RIMS2: variants seen among roughly 807,000 people sequenced by gnomAD.
RIMS2 encodes the protein regulating synaptic membrane exocytosis protein 2.
RIMS2 carries 59 observed loss-of-function variants against 174.4 expected under a neutral mutation model. The observed-to-expected ratio is 0.34, with a 90% CI of 0.27 to 0.42. The LOEUF (loss-of-function observed/expected upper bound fraction) is 0.42. RIMS2 is among the 10% of genes least tolerant of loss of function. The pLI, the probability that RIMS2 is intolerant of heterozygous loss-of-function variation, is 1.00. For synonymous variants in RIMS2, 606 were observed against 572.5 expected, an observed-to-expected ratio of 1.06 and a Z score of -0.84; for missense variants, 1,620 against 1,666.3, an observed-to-expected ratio of 0.97 and a Z score of 0.48.
In RIMS2 at chr8:104,248,891, T is replaced by TTCTCTC. The variant is rs368851079; in HGVS notation, c.3589+94_3589+99dup. On this transcript the variant is annotated intron_variant, in intron 21 of 23. Coordinates refer to ENST00000504942, the Ensembl canonical transcript of RIMS2. The stretch of plus-strand genomic sequence containing the variant: ...GAAATTCTCTAAATTTCATAGAATC[T>TTCTCTC]TCTCTCTCTCTCTCTCTCTCTTTCC... 1.7e-3 allele frequency: 1,077 copies of TTCTCTC among 629,064 alleles called. 10 individuals carry two copies. The highest frequency in any genetic ancestry group is 0.015 in the African/African-American group (728 of 48,112). 39.0% of individuals were successfully genotyped at this position (629,064 alleles called of 1,614,324 possible).
chr8:103,508,457 T>TAA (rs3042459), intron 1 of RIMS2, among the ~76,000 whole-genome samples: 1 of 141,158 alleles, frequency 7.1e-6, no homozygotes, highest in South Asian at 2.3e-4. Context: ...TTTCATTTGT[T>TAA]AAAAAAAAAA....
chr8:103,814,676 A>C (rs2098708062), intron 3 of RIMS2, among the ~76,000 whole-genome samples: 1 of 152,086 alleles, frequency 6.6e-6, no homozygotes, highest in Non-Finnish European at 1.5e-5. Flanking sequence ...GGAGTTCAAG[A>C]CTAGCCTGGG....
At chr8:103,544,246 T>C (rs1843883704) in intron 1 of RIMS2, among the ~76,000 whole-genome samples, 1 of 152,220 alleles carries the variant, frequency 6.6e-6, no homozygotes, top group Admixed American at 6.5e-5. Flanking sequence ...GGCAGGTGAC[T>C]CTGCCTACCC....
intron 19 of RIMS2, among the ~76,000 whole-genome samples, chr8:104,225,910 T>C (rs2099185155): frequency 6.6e-6 from 1 of 152,226 alleles, no homozygotes; most frequent in Admixed American, 6.5e-5. Flanking sequence ...AACTTTTTTC[T>C]TTGATTTTGC....
chr8:104,014,774 G>C (rs999172351), intron 19 of RIMS2, among the ~76,000 whole-genome samples, 159 bp downstream of exon 21: 2 of 151,770 alleles, frequency 1.3e-5, no homozygotes, highest in African/African-American at 4.8e-5. Context: ...ATGTATTTTT[G>C]AATAAAAATT....
intron 3 of RIMS2, among the ~76,000 whole-genome samples, chr8:103,771,425 T>G (rs2098252364): frequency 6.6e-6 from 1 of 152,186 alleles, no homozygotes; most frequent in Non-Finnish European, 1.5e-5. Context: ...TGCAAATTAG[T>G]GAAATGTAGG....
chr8:103,508,163 A>G (rs1824591720), intron 1 of RIMS2, among the ~76,000 whole-genome samples: 1 of 152,142 alleles, frequency 6.6e-6, no homozygotes, highest in African/African-American at 2.4e-5. Flanking sequence ...AATGAAATAC[A>G]GATATCTCTG....
intron 1 of RIMS2, among the ~76,000 whole-genome samples, chr8:103,561,758 T>C (rs2091628179): frequency 6.6e-6 from 1 of 152,212 alleles, no homozygotes; most frequent in Admixed American, 6.5e-5. Context: ...CTGCCTTTGT[T>C]TTTATGGCCT....
intron 19 of RIMS2, among the ~76,000 whole-genome samples, chr8:104,076,079 A>C (rs2097285544): frequency 6.6e-6 from 1 of 152,242 alleles, no homozygotes; most frequent in Non-Finnish European, 1.5e-5. Flanking sequence ...ACATAAACTT[A>C]GATTTTGAAA....
At chr8:104,240,281 A>G (rs1014856095) in intron 19 of RIMS2, among the ~76,000 whole-genome samples, 4 of 152,182 alleles carry the variant, frequency 2.6e-5, no homozygotes, top group Non-Finnish European at 5.9e-5. Flanking sequence ...GTCATCTTAG[A>G]ATTCTCCCTA....
intron 19 of RIMS2, among the ~76,000 whole-genome samples, chr8:104,137,088 A>T (rs1006909064): frequency 6.6e-6 from 1 of 152,292 alleles, no homozygotes; most frequent in East Asian, 1.9e-4. Flanking sequence ...AATGGTTTTT[A>T]TTGAATTACA....
At chr8:103,696,476 G>T (rs1407962256) in intron 1 of RIMS2, among the ~76,000 whole-genome samples, 1 of 151,970 alleles carries the variant, frequency 6.6e-6, no homozygotes, top group African/African-American at 2.4e-5. Flanking sequence ...GCATATGATT[G>T]AAAATGTACT....
rs143163017 is a variant in RIMS2 at position 104,014,826 on chromosome 8, G to T, written c.3334+211G>T. The stretch of plus-strand genomic sequence containing the variant: ...AAAATAAGGTATCTTTATTGCTCTT[G>T]CACATTTTTAAATTTGAATAAATGC... On this transcript the variant is annotated intron_variant, in intron 19 of 23. Coordinates refer to ENST00000504942, the Ensembl canonical transcript of RIMS2. 3.0e-4 allele frequency among the ~76,000 whole-genome samples: 46 copies of T among 151,928 alleles called. No individual in the cohort carries two copies. The South Asian group carries it at 6.6e-3, about 22-fold the overall frequency.
At chr8:103,879,601 A>G (rs2099157861) in intron 3 of RIMS2, among the ~76,000 whole-genome samples, 1 of 151,518 alleles carries the variant, frequency 6.6e-6, no homozygotes, top group African/African-American at 2.4e-5. Flanking sequence ...CTTCCCCCCA[A>G]TCTTTTCAAG....
intron 12 of RIMS2, among the ~76,000 whole-genome samples, chr8:103,932,944 G>C (rs1241767493): frequency 2.0e-5 from 3 of 150,934 alleles, no homozygotes; most frequent in Admixed American, 1.3e-4. Context: ...ATTACCTGAG[G>C]TCAGGAGTTT....
intron 3 of RIMS2, among the ~76,000 whole-genome samples, chr8:103,871,458 T>G (rs1043420239): frequency 6.6e-6 from 1 of 152,204 alleles, no homozygotes; most frequent in Non-Finnish European, 1.5e-5. Context: ...AATTTTTTTT[T>G]GTGGATACAA....
intron 1 of RIMS2, among the ~76,000 whole-genome samples, chr8:103,683,393 G>C (rs2096902770): frequency 6.6e-6 from 1 of 152,116 alleles, no homozygotes; most frequent in Non-Finnish European, 1.5e-5. Flanking sequence ...ATCCATTTTA[G>C]TCCAAGAATT....
At chr8:103,952,215 T>C (rs2085617609) in intron 14 of RIMS2, among the ~76,000 whole-genome samples, 1 of 152,174 alleles carries the variant, frequency 6.6e-6, no homozygotes, top group Non-Finnish European at 1.5e-5. Context: ...GCAGCTCAGC[T>C]CTGAAGAGAG....
chr8:104,074,162 A>G (rs2097248797), intron 19 of RIMS2, among the ~76,000 whole-genome samples: 1 of 152,162 alleles, frequency 6.6e-6, no homozygotes, highest in Non-Finnish European at 1.5e-5. Flanking sequence ...GTGGTCATAT[A>G]TGAGCTCTTC....
Sources: gnomAD v4.1 joint callset for allele counts (sites outside exome capture counted in the v4.1 genomes callset) on GRCh38, gnomAD v4.1.1 for gene constraint, MANE v1.5 for transcripts, NCBI Gene and HGNC (gene_info 2026-07-23, HGNC 2026-07-21) for gene names.